The following ZNG1A variants were observed in gnomAD, a reference collection of about 807,000 sequenced individuals.
ZNG1A encodes zinc-regulated GTPase metalloprotein activator 1A.
At chr9:171,965 G>A in the ZNG1A span, 1 of 1,537,002 alleles carries the variant, frequency 6.5e-7, no homozygotes, top group Non-Finnish European at 8.9e-7. Context: ...ACCAAAAAAA[G>A]TTTTTGGTTT....
the ZNG1A span, chr9:172,651 G>A: frequency 1.3e-5 from 2 of 154,556 alleles, no homozygotes; most frequent in African/African-American, 4.9e-5. Flanking sequence ...TATTTTGGTT[G>A]TTCAAGAAAG....
chr9:141,555 A>T, the ZNG1A span, among the ~76,000 whole-genome samples: 1 of 150,944 alleles, frequency 6.6e-6, no homozygotes, highest in Non-Finnish European at 1.5e-5. Context: ...TAAACGTGGA[A>T]AGGAACAACC....
the ZNG1A span, chr9:150,495 G>A: frequency 9.4e-6 from 9 of 956,922 alleles, no homozygotes; most frequent in Non-Finnish European, 1.1e-5. Flanking sequence ...AATATTTAAT[G>A]TAAGATTCAG....
the ZNG1A span, among the ~76,000 whole-genome samples, chr9:141,934 A>G: frequency 6.6e-6 from 1 of 151,390 alleles, no homozygotes; most frequent in African/African-American, 2.4e-5. Flanking sequence ...AAAGATCAAA[A>G]GAGACAAAGA....
chr9:176,627 G>C, the ZNG1A span, among the ~76,000 whole-genome samples: 1 of 151,922 alleles, frequency 6.6e-6, no homozygotes, highest in African/African-American at 2.4e-5. Flanking sequence ...TATATTTAGA[G>C]TACTTTAGGA....
At chr9:146,175 T>G in the ZNG1A span, 1 of 1,581,730 alleles carries the variant, frequency 6.3e-7, no homozygotes, top group African/African-American at 1.4e-5. Flanking sequence ...GGAAGAAAAC[T>G]AACGTGAGCA....
At chr9:129,549 G>A in the ZNG1A span, among the ~76,000 whole-genome samples, 1 of 149,730 alleles carries the variant, frequency 6.7e-6, no homozygotes, top group East Asian at 2.0e-4. Context: ...TACACTAAGT[G>A]AAATAAGCCA....
At chr9:142,811 A>AT in the ZNG1A span, among the ~76,000 whole-genome samples, 1 of 133,762 alleles carries the variant, frequency 7.5e-6, no homozygotes, top group African/African-American at 3.0e-5. Flanking sequence ...ACTAATAAAG[A>AT]AAAAAAGAGA....
chr9:177,575 G>C, the ZNG1A span: 1 of 1,429,710 alleles, frequency 7.0e-7, no homozygotes, highest in Non-Finnish European at 9.5e-7. Context: ...GAAGAAAAAT[G>C]TAGTAGAAGC....
the ZNG1A span, among the ~76,000 whole-genome samples, chr9:129,675 T>TGG: frequency 2.5e-4 from 36 of 146,248 alleles, no homozygotes; most frequent in East Asian, 2.9e-3. Context: ...AGACGAAAAT[T>TGG]GGGGGGGGCT....
the ZNG1A span, among the ~76,000 whole-genome samples, chr9:155,468 C>G: frequency 6.6e-6 from 1 of 151,830 alleles, no homozygotes; most frequent in Non-Finnish European, 1.5e-5. Context: ...GGATATTGCC[C>G]AAATGTCTTC....
At chr9:146,547 AC>A in the ZNG1A span, 1 of 183,280 alleles carries the variant, frequency 5.5e-6, no homozygotes, top group Non-Finnish European at 1.1e-5. Flanking sequence ...TTTCTTTTAT[AC>A]CCCCTCCCTT....
the ZNG1A span, among the ~76,000 whole-genome samples, chr9:156,117 T>C: frequency 6.8e-6 from 1 of 146,206 alleles, no homozygotes; most frequent in Non-Finnish European, 1.5e-5. Flanking sequence ...ACAGTGAGAT[T>C]CTGTCTCAAA....
chr9:135,391 G>C, the ZNG1A span, among the ~76,000 whole-genome samples: 15,978 of 107,898 alleles, frequency 0.15, 1,488 homozygotes, highest in East Asian at 0.4. Flanking sequence ...ATTGCTCAGA[G>C]TTCCTTAACT....
the ZNG1A span, chr9:150,116 G>GTTTTTTTTTTTT: frequency 5.9e-5 from 6 of 101,388 alleles, 1 homozygote; most frequent in African/African-American, 1.2e-4. Flanking sequence ...CAAATCTCCG[G>GTTTTTTTTTTTT]TTTTGTTTTT....
At chr9:152,651 G>A in the ZNG1A span, among the ~76,000 whole-genome samples, 1 of 151,876 alleles carries the variant, frequency 6.6e-6, no homozygotes, top group Non-Finnish European at 1.5e-5. Context: ...TCCCTCTTTT[G>A]ATACTATAGA....
the ZNG1A span, among the ~76,000 whole-genome samples, chr9:169,706 A>T: frequency 6.7e-6 from 1 of 149,946 alleles, no homozygotes; most frequent in South Asian, 2.2e-4. Flanking sequence ...TCGTGGCAAG[A>T]CCCTCTACCA....
the ZNG1A span, among the ~76,000 whole-genome samples, chr9:135,882 C>G: frequency 2.4e-5 from 2 of 84,418 alleles, no homozygotes; most frequent in Non-Finnish European, 4.2e-5. Flanking sequence ...TCCTGTTTAG[C>G]AGTTAAGCAC....
At chr9:141,955 A>G in the ZNG1A span, among the ~76,000 whole-genome samples, 4 of 150,496 alleles carry the variant, frequency 2.7e-5, no homozygotes, top group African/African-American at 9.8e-5. Context: ...AGGCCATTAC[A>G]TAATGGTAAA....
Sources: allele counts gnomAD v4.1 joint callset (sites outside exome capture counted in the v4.1 genomes callset), GRCh38; gene constraint gnomAD v4.1.1; transcripts MANE v1.5; gene names NCBI Gene and HGNC (gene_info 2026-07-23, HGNC 2026-07-21).